LRRTM4: variants seen among roughly 807,000 people sequenced by gnomAD.
LRRTM4 encodes leucine-rich repeat transmembrane neuronal protein 4.
Under a neutral mutation model 47.6 loss-of-function variants are expected in LRRTM4, and 25 were observed. The ratio of observed to expected loss-of-function variants is 0.53; its 90% CI spans 0.38 to 0.73. The LOEUF is 0.73. Ranked by LOEUF, LRRTM4 falls within the 30% of genes least tolerant of loss-of-function variation. The pLI, the probability that LRRTM4 is intolerant of heterozygous loss-of-function variation, is 0.00. For synonymous variants in LRRTM4, 311 were observed against 269.5 expected (o/e 1.15, Z -1.51); for missense variants, 638 against 713.4 (o/e 0.89, Z 1.20).
intron 3 of LRRTM4, among the ~76,000 whole-genome samples, chr2:77,066,553 T>A (rs1226845062): frequency 2.0e-5 from 3 of 152,204 alleles, no homozygotes; most frequent in Non-Finnish European, 4.4e-5. Flanking sequence ...AATGTGAAAG[T>A]TCAACAGTTT....
At chr2:77,271,014 A>G (rs555363955) in intron 3 of LRRTM4, among the ~76,000 whole-genome samples, 1 of 152,316 alleles carries the variant, frequency 6.6e-6, no homozygotes, top group African/African-American at 2.4e-5. Flanking sequence ...GCCTGATTTC[A>G]GGGAAGAGAA....
chr2:77,247,727 TC>T (rs1347710773), intron 3 of LRRTM4, among the ~76,000 whole-genome samples: 3 of 152,084 alleles, frequency 2.0e-5, no homozygotes, highest in African/African-American at 7.2e-5. Flanking sequence ...GTCATATTGT[TC>T]TTCCAATAAT....
chr2:77,460,314 AG>A (rs1676739857), intron 3 of LRRTM4, among the ~76,000 whole-genome samples: 1 of 152,038 alleles, frequency 6.6e-6, no homozygotes, highest in African/African-American at 2.4e-5. Context: ...TAGTGGGAGG[AG>A]TCTAGCTACC....
chr2:76,807,434 A>ATG (rs1558667433), intron 3 of LRRTM4, among the ~76,000 whole-genome samples: 3 of 63,746 alleles, frequency 4.7e-5, no homozygotes. Context: ...ACATATATAT[A>ATG]TACGTATATA....
At chr2:76,837,613 G>A (rs2103919144) in intron 3 of LRRTM4, among the ~76,000 whole-genome samples, 2 of 152,162 alleles carry the variant, frequency 1.3e-5, no homozygotes, top group South Asian at 4.2e-4. Context: ...TATAAATCAT[G>A]CTGCTATAAA....
intron 3 of LRRTM4, among the ~76,000 whole-genome samples, chr2:77,217,069 T>TC: frequency 8.8e-6 from 1 of 113,556 alleles, no homozygotes; most frequent in East Asian, 2.7e-4. Flanking sequence ...TGAGACTCTG[T>TC]CAAAAAAAAA....
At chr2:77,184,954 C>A (rs1307776699) in intron 3 of LRRTM4, among the ~76,000 whole-genome samples, 1 of 150,738 alleles carries the variant, frequency 6.6e-6, no homozygotes, top group Non-Finnish European at 1.5e-5. Flanking sequence ...GAGCCACAGA[C>A]CAAAGTAATT....
At chr2:76,832,354 C>T (rs1028877069) in intron 3 of LRRTM4, among the ~76,000 whole-genome samples, 2 of 150,632 alleles carry the variant, frequency 1.3e-5, no homozygotes, top group African/African-American at 2.4e-5. Flanking sequence ...CACACAGACA[C>T]ATAAACATAA....
intron 3 of LRRTM4, among the ~76,000 whole-genome samples, chr2:76,797,145 C>CTCCAATACACACAA (rs1675380731): frequency 6.6e-6 from 1 of 151,944 alleles, no homozygotes; most frequent in Admixed American, 6.5e-5. Context: ...AGAAGAGCTA[C>CTCCAATACACACAA]TCCAATACAC....
intron 3 of LRRTM4, among the ~76,000 whole-genome samples, chr2:76,794,333 G>A (rs1675143177): frequency 6.6e-6 from 1 of 152,164 alleles, no homozygotes; most frequent in African/African-American, 2.4e-5. Flanking sequence ...TTATGTGTCA[G>A]AGAGGAAAGA....
intron 3 of LRRTM4, among the ~76,000 whole-genome samples, chr2:77,441,664 A>G (rs1675847234): frequency 6.6e-6 from 1 of 152,332 alleles, no homozygotes; most frequent in East Asian, 1.9e-4. Flanking sequence ...TTCTAGATAC[A>G]TAGTTGATAT....
intron 3 of LRRTM4, among the ~76,000 whole-genome samples, chr2:76,911,262 T>C (rs1674045785): frequency 6.6e-6 from 1 of 152,192 alleles, no homozygotes; most frequent in Non-Finnish European, 1.5e-5. Flanking sequence ...AGTAAAAAGA[T>C]GCTAACCTCA....
intron 3 of LRRTM4, among the ~76,000 whole-genome samples, chr2:77,432,597 T>C (rs1175429357): frequency 6.6e-6 from 1 of 152,202 alleles, no homozygotes; most frequent in Admixed American, 6.5e-5. Flanking sequence ...TGAATTCTAA[T>C]TACACAGATA....
At chr2:77,058,334 A>G (rs922904297) in intron 3 of LRRTM4, among the ~76,000 whole-genome samples, 12 of 152,168 alleles carry the variant, frequency 7.9e-5, no homozygotes, top group African/African-American at 2.9e-4. Context: ...AGTGTGTAAC[A>G]GCTAGAGCTA....
At chr2:76,929,959 G>GTT (rs1435875062) in intron 3 of LRRTM4, among the ~76,000 whole-genome samples, 1 of 133,478 alleles carries the variant, frequency 7.5e-6, no homozygotes, top group Admixed American at 7.6e-5. Context: ...GTGTGTGTGT[G>GTT]TTTTAAATTT....
At chr2:77,229,008 G>A (rs760229083) in intron 3 of LRRTM4, among the ~76,000 whole-genome samples, 5 of 152,026 alleles carry the variant, frequency 3.3e-5, no homozygotes, top group Non-Finnish European at 5.9e-5. Flanking sequence ...CCACCTCCAA[G>A]TTTACAAATC....
chr2:77,016,597 G>T (rs1342598740), intron 3 of LRRTM4, among the ~76,000 whole-genome samples: 1 of 151,992 alleles, frequency 6.6e-6, no homozygotes. Context: ...TGCTTGAATT[G>T]CCTCTCTCTT....
intron 3 of LRRTM4, among the ~76,000 whole-genome samples, chr2:76,916,384 C>CAGAA: frequency 1.9e-5 from 1 of 53,500 alleles, no homozygotes; most frequent in Non-Finnish European, 3.5e-5. Flanking sequence ...GACTGTGTCT[C>CAGAA]AAAAAAAAAA....
intron 3 of LRRTM4, among the ~76,000 whole-genome samples, chr2:77,022,352 T>C (rs1379139170): frequency 6.6e-6 from 1 of 152,092 alleles, no homozygotes; most frequent in Non-Finnish European, 1.5e-5. Context: ...AGCCAAACCA[T>C]ATCATTCTTC....
Sources: allele counts gnomAD v4.1 joint callset (sites outside exome capture counted in the v4.1 genomes callset), GRCh38; gene constraint gnomAD v4.1.1; transcripts MANE v1.5; gene names NCBI Gene and HGNC (gene_info 2026-07-23, HGNC 2026-07-21).